Variants in FOXA1 observed in about 807,000 individuals in gnomAD.
FOXA1 encodes hepatocyte nuclear factor 3-alpha.
In FOXA1, 9 loss-of-function variants were observed where a neutral mutation model predicts 29.2. That is an observed-to-expected ratio of 0.31 (90% CI 0.19 to 0.54). The LOEUF (loss-of-function observed/expected upper bound fraction) is 0.54. Among genes scored for constraint, FOXA1 ranks in the 20% least tolerant of loss-of-function variants. The pLI, the probability that FOXA1 is intolerant of heterozygous loss-of-function variation, is 0.95. For missense variants in FOXA1, 644 were observed against 681.2 expected (o/e 0.95, Z 0.61); for synonymous variants, 340 against 300.9 (o/e 1.13, Z -1.34).
At chr14:37,593,978 G>C (rs1215849455) in intron 1 of FOXA1, 1 of 918,748 alleles carries the variant, frequency 1.1e-6, no homozygotes, top group African/African-American at 1.8e-5. Context: ...TAAACTCAGA[G>C]GTAAACTTGT....
At position 37,595,014 on chromosome 14, in the gene FOXA1, G is replaced by A. The variant is rs1473277086; in HGVS notation, c.-42C>T. Reference sequence around the variant, plus strand: ...CCAATACAACCATCCAGCCCTGTGCGAAGCGACGGGCGGCCGCGCGGCGCG... The same window carrying A: ...CCAATACAACCATCCAGCCCTGTGCAAAGCGACGGGCGGCCGCGCGGCGCG... On this transcript the variant is annotated 5_prime_UTR_variant, in exon 1 of 2. Transcript: ENST00000250448. 1 of 1,525,716 alleles carries A rather than the reference G, an allele frequency of 6.6e-7. No individual in the cohort carries two copies. Among genetic ancestry groups the A allele is most frequent in the Non-Finnish European group, 8.9e-7 (1 of 1,123,670 alleles). The allele number at this position is 1,525,716 out of a possible 1,614,324, so 94.5% of individuals were successfully genotyped here.
chr14:37,592,798 G>A, intron 1 of FOXA1, 87 bp from the exon 2 acceptor site: 3 of 1,540,096 alleles, frequency 1.9e-6, no homozygotes, highest in Non-Finnish European at 2.7e-6. Context: ...CCTAACCCGG[G>A]GGCAAGTGCA....
rs1271263392 is a variant in FOXA1, at chr14:37,589,890, G to A, written c.*1475C>T. 4.3e-6 allele frequency: 1 copy of A among 230,526 alleles called. No individual in the cohort carries two copies. The highest frequency in any genetic ancestry group is 8.6e-6 in the Non-Finnish European group (1 of 116,818). The allele number at this position is 230,526 out of a possible 1,614,324, so 14.3% of individuals were successfully genotyped here. On this transcript the variant is annotated 3_prime_UTR_variant, in exon 2 of 2. Transcript: ENST00000250448. ...ACAAAACAATTTTATTTTCATTTTTGTCATTTATATTCAGTTCTAGAATTT... is the reference window on the plus strand; with the variant it reads ...ACAAAACAATTTTATTTTCATTTTTATCATTTATATTCAGTTCTAGAATTT...
Position 37,591,875 on chromosome 14 carries a change from G to T in FOXA1, c.909C>A (p.Pro303=). 2.3e-5 allele frequency: 33 copies of T among 1,451,508 alleles called. No homozygotes were observed. Among genetic ancestry groups the T allele is most frequent in the Non-Finnish European group, 2.9e-5 (32 of 1,107,566 alleles). 89.9% of individuals were successfully genotyped at this position (1,451,508 alleles called of 1,614,324 possible). The stretch of plus-strand genomic sequence containing the variant: ...CCCGATGGAGGGGCGAGTCGGCGCT[G>T]GGGTTAGAGGCGCCAGAGGGGTCCT... ...SRKDPSGASN[P]SADSPLHRGV... Residue 303 remains proline (P), a synonymous_variant, in exon 2 of 2, where the codon CCC becomes CCA. Coordinates refer to ENST00000250448, the MANE Select transcript of FOXA1 (RefSeq NM_004496.5).
Position 37,591,101 on chromosome 14 carries a change from C to T in FOXA1, c.*264G>A. On this transcript the variant is annotated 3_prime_UTR_variant, in exon 2 of 2. Coordinates refer to ENST00000250448, the MANE Select transcript of FOXA1 (RefSeq NM_004496.5). ...AGGAAGGAGGAGAATTTCATATATA[C>T]ACTTGTGGATCATTAAACTTCGCAG... 2 of 535,172 alleles carry T rather than the reference C, an allele frequency of 3.7e-6. No homozygotes were observed. The highest frequency in any genetic ancestry group is 3.4e-6 in the Non-Finnish European group (1 of 296,762). The allele number at this position is 535,172 out of a possible 1,614,324, so 33.2% of individuals were successfully genotyped here. A position where few individuals can be genotyped will look rare whatever the true frequency, so the allele number is the denominator to read the frequency against.
rs1286646322 is a variant in FOXA1 at position 37,595,226 on chromosome 14, G to C, written c.-254C>G. 1.1e-5 allele frequency: 3 copies of C among 269,544 alleles called. No individual in the cohort carries two copies. The highest frequency in any genetic ancestry group is 2.1e-5 in the Non-Finnish European group (3 of 144,158). 16.7% of individuals were successfully genotyped at this position (269,544 alleles called of 1,614,324 possible). On this transcript the variant is annotated 5_prime_UTR_variant, in exon 1 of 2. Coordinates refer to ENST00000250448, the MANE Select transcript of FOXA1 (RefSeq NM_004496.5). The stretch of plus-strand genomic sequence containing the variant: ...GAGCGCGGCGCCGGGGAGCGCCTCC[G>C]CGGGAAGTGAGCGGGCTGCCTCTGC...
Position 37,591,496 on chromosome 14 carries a change from C to CGTAAGGCGAGTATTGCA in FOXA1, c.1271_1287dup (p.Gly430CysfsTer16), listed in dbSNP as rs2095595412. On this transcript the variant is annotated frameshift_variant, in exon 2 of 2. Transcript: ENST00000250448. LOFTEE classifies it high-confidence loss of function. ...GGCAGGCTGGCGGGCAACGTAGAGCCGTAAGGCGAGTATTGCAGTGCCTGT... is the reference window on the plus strand; with the variant it reads ...GGCAGGCTGGCGGGCAACGTAGAGCCGTAAGGCGAGTATTGCAGTAAGGCGAGTATTGCAGTGCCTGT... 1 of 1,614,066 alleles carries CGTAAGGCGAGTATTGCA rather than the reference C, an allele frequency of 6.2e-7. No individual in the cohort carries two copies. Among genetic ancestry groups the CGTAAGGCGAGTATTGCA allele is most frequent in the Non-Finnish European group, 8.5e-7 (1 of 1,180,056 alleles).
rs1019690230 is a variant in FOXA1, at chr14:37,592,620, G to A, written c.164C>T (p.Thr55Met). Residue 55 changes from threonine to methionine, a missense_variant, in exon 2 of 2, where the codon ACG becomes ATG. By Grantham distance (81) the Thr-to-Met change is moderately conservative. Transcript: ENST00000250448. ...NTYMTMNTMT[T>M]SGNMTPASFN... The stretch of plus-strand genomic sequence containing the variant: ...GGACGCCGGGGTCATGTTGCCGCTC[G>A]TAGTCATGGTGTTCATGGTCATGTA... 1 of 1,614,240 alleles carries A rather than the reference G, an allele frequency of 6.2e-7. No homozygotes were observed. The highest frequency in any genetic ancestry group is 1.6e-4 in the Middle Eastern group (1 of 6,062).
intron 1 of FOXA1, chr14:37,593,876 A>C (rs79686301): frequency 5.0e-5 from 13 of 258,380 alleles, no homozygotes; most frequent in Non-Finnish European, 8.5e-5. Context: ...TGATGTCCTT[A>C]AGTTTATTTT....
At chr14:37,594,307 G>C in intron 1 of FOXA1, 1 of 1,174,566 alleles carries the variant, frequency 8.5e-7, no homozygotes, top group Non-Finnish European at 1.1e-6. Flanking sequence ...AGAGAAACAG[G>C]TTCTCGGCCC....
chr14:37,592,199 C>T lies in FOXA1; in HGVS notation c.585G>A (p.Glu195=), dbSNP rs767330980. The T allele has an allele frequency of 6.2e-7, 1 of 1,613,818 alleles. No homozygotes were observed. Among genetic ancestry groups the T allele is most frequent in the Non-Finnish European group, 8.5e-7 (1 of 1,179,852 alleles). The change falls in exon 2 of 2, where the codon GAG becomes GAA. Residue 195 remains glutamate, a synonymous_variant. Transcript: ENST00000250448. The part of the protein sequence containing the change: ...QAPSKMLTLS[E]IYQWIMDLFP... ...AGAGGTCCATGATCCACTGGTAGAT[C>T]TCGCTCAGCGTGAGCATCTTGCTGG...
chr14:37,594,991 A>T lies in FOXA1; in HGVS notation c.-19T>A. On this transcript the variant is annotated 5_prime_UTR_variant, in exon 1 of 2. It introduces an in-frame stop codon into an upstream open reading frame of the 5' UTR. Coordinates refer to ENST00000250448, the MANE Select transcript of FOXA1 (RefSeq NM_004496.5). ...CTAACATCCTGGAGCCACCCTGCCC[A>T]ATACAACCATCCAGCCCTGTGCGAA... The T allele has an allele frequency of 6.4e-7, 1 of 1,573,804 alleles. No homozygotes were observed. The highest frequency in any genetic ancestry group is 1.1e-5 in the South Asian group (1 of 89,670).
chr14:37,591,312 T>C lies in FOXA1; in HGVS notation c.*53A>G. The C allele has an allele frequency of 1.2e-6, 2 of 1,604,490 alleles. No homozygotes were observed. Among genetic ancestry groups the C allele is most frequent in the East Asian group, 2.2e-5 (1 of 44,882 alleles). On this transcript the variant is annotated 3_prime_UTR_variant, in exon 2 of 2. Transcript: ENST00000250448. ...TGTGGTTTTGTTTGCTGTTGATTTT[T>C]TCTCTCTTGCTACCAGCATGGCTAT...
In FOXA1 at chr14:37,594,437, A is replaced by G. The variant is rs1431652812; in HGVS notation, c.72+464T>C. On this transcript the variant is annotated intron_variant, in intron 1 of 1. Transcript: ENST00000250448. ...TTTTACAAAATTTAGAAATCGTTTCATTATTGAGACACCCAACTTGGCGGC... is the reference window on the plus strand; with the variant it reads ...TTTTACAAAATTTAGAAATCGTTTCGTTATTGAGACACCCAACTTGGCGGC... 4.1e-6 allele frequency: 4 copies of G among 981,236 alleles called. No individual in the cohort carries two copies. The Admixed American group carries it at 1.8e-4, about 44-fold the overall frequency. The allele number at this position is 981,236 out of a possible 1,614,324, so 60.8% of individuals were successfully genotyped here.
At chr14:37,594,850 C>T (rs779938971) in intron 1 of FOXA1, 51 bp downstream of exon 1, 34 of 1,467,828 alleles carry the variant, frequency 2.3e-5, no homozygotes, top group Non-Finnish European at 2.8e-5. Context: ...CCTCCCCCGG[C>T]ACGGGCTCCA....
At chr14:37,594,122 G>C (rs758383967) in intron 1 of FOXA1, 66 of 1,287,202 alleles carry the variant, frequency 5.1e-5, no homozygotes, top group Non-Finnish European at 6.2e-5. Context: ...ATCCAAGGCA[G>C]TTCCAATACG....
In FOXA1 at chr14:37,591,709, G is replaced by T. The variant is rs2139180522; in HGVS notation, c.1075C>A (p.Pro359Thr). 1 of 1,581,928 alleles carries T rather than the reference G, an allele frequency of 6.3e-7. No individual in the cohort carries two copies. The highest frequency in any genetic ancestry group is 8.6e-7 in the Non-Finnish European group (1 of 1,163,994). ...AGCGCCCCGGGCCCGGAGCTTATGG[G>T]GGGCGCAGTTGAGGAGGCTGGAGTC... ...LKTPASSTAP[P>T]ISSGPGALAS... The change falls in exon 2 of 2, where the codon CCC (proline) becomes ACC (threonine). Residue 359 changes from proline to threonine, a missense_variant. Physicochemically the swap from Pro to Thr is conservative, Grantham distance 38. Transcript: ENST00000250448.
At position 37,592,724 on chromosome 14, in the gene FOXA1, C is replaced by G. The variant is rs2095597319; in HGVS notation, c.73-13G>C. On this transcript the variant is annotated splice_polypyrimidine_tract_variant and intron_variant, in intron 1 of 1. Coordinates refer to ENST00000250448, the MANE Select transcript of FOXA1 (RefSeq NM_004496.5). ...CGGAGGAGTAGGCCTGGAGTGGAGA[C>G]AGCGAGTGAAGAAGCCCCGGAGGGC... is the stretch of plus-strand genomic sequence containing the variant. 7 of 1,608,838 alleles carry G rather than the reference C, an allele frequency of 4.4e-6. No individual in the cohort carries two copies. The highest frequency in any genetic ancestry group is 5.9e-6 in the Non-Finnish European group (7 of 1,179,996).
rs7144658 is a variant in FOXA1, at chr14:37,592,537, C to T, written c.247G>A (p.Ala83Thr). ...LGAGLSPGAV[A>T]GMPGGSAGAM... ...CCCGCCGAGCCCCCCGGCATGCCGG[C>T]TACTGCGCCGGGACTCAGGCCGGCC... Residue 83 changes from alanine to threonine, a missense_variant, in exon 2 of 2, where the codon GCC becomes ACC. Physicochemically the swap from Ala to Thr is moderately conservative, Grantham distance 58. Transcript: ENST00000250448. 962,141 of 1,613,240 alleles carry T rather than the reference C, an allele frequency of 0.6. 290,586 individuals carry two copies. Among genetic ancestry groups the T allele is most frequent in the East Asian group, 0.87 (38,766 of 44,796 alleles).
Sources: gnomAD v4.1 joint callset for allele counts on GRCh38, gnomAD v4.1.1 for gene constraint, MANE v1.5 for transcripts, NCBI Gene and HGNC (gene_info 2026-07-23, HGNC 2026-07-21) for gene names.